DPYD: variants seen among roughly 807,000 people sequenced by gnomAD.
DPYD encodes the protein dihydropyrimidine dehydrogenase.
DPYD carries 109 observed loss-of-function variants against 116.2 expected under a neutral mutation model. That is an observed-to-expected ratio of 0.94 (90% CI 0.80 to 1.10). The LOEUF is 1.10. Among genes scored for constraint, DPYD ranks in the 50% least tolerant of loss-of-function variants. The probability of loss-of-function intolerance (pLI) is 0.00; values close to 1 mark genes in which losing one functional copy is unlikely to be tolerated. For synonymous variants in DPYD, 440 were observed against 432.0 expected (o/e 1.02, Z -0.23); for missense variants, 1,302 against 1,254.5 (o/e 1.04, Z -0.57).
chr1:97,723,167 G>A (rs1355744682), intron 4 of DPYD, among the ~76,000 whole-genome samples: 1 of 151,606 alleles, frequency 6.6e-6, no homozygotes, highest in East Asian at 1.9e-4. Context: ...TGGTTTAACA[G>A]TATTTGTCTT....
intron 16 of DPYD, among the ~76,000 whole-genome samples, chr1:97,351,188 G>A (rs74732613): frequency 0.014 from 2,069 of 152,164 alleles, 54 homozygotes; most frequent in African/African-American, 0.048. Flanking sequence ...TCCAAACCGA[G>A]AAGAGAGTAA....
intron 8 of DPYD, among the ~76,000 whole-genome samples, chr1:97,607,722 A>G (rs1655690828): frequency 6.6e-6 from 1 of 151,924 alleles, no homozygotes; most frequent in Admixed American, 6.6e-5. Context: ...CTGGAAGTCA[A>G]AAAAAGAGAG....
chr1:97,217,031 A>G (rs2101884189), intron 19 of DPYD, among the ~76,000 whole-genome samples: 2 of 152,108 alleles, frequency 1.3e-5, no homozygotes, highest in African/African-American at 4.8e-5. Flanking sequence ...AAGATGGTGA[A>G]ACTCCGTCTC....
chr1:97,652,568 A>G (rs1353561226), intron 8 of DPYD, among the ~76,000 whole-genome samples: 1 of 152,188 alleles, frequency 6.6e-6, no homozygotes, highest in Admixed American at 6.6e-5. Context: ...AGATCTGAAG[A>G]ATTCAGAGTA....
At chr1:97,484,258 A>T (rs112156028) in intron 13 of DPYD, among the ~76,000 whole-genome samples, 2,244 of 152,256 alleles carry the variant, frequency 0.015, 56 homozygotes, top group African/African-American at 0.052. Flanking sequence ...GAGCGGAGAT[A>T]GCACCACTGC....
At chr1:97,240,423 G>C (rs1000059694) in intron 18 of DPYD, among the ~76,000 whole-genome samples, 3 of 151,914 alleles carry the variant, frequency 2.0e-5, no homozygotes, top group Non-Finnish European at 4.4e-5. Flanking sequence ...GAATAATTGA[G>C]TTTAATTCTG....
At chr1:97,723,005 C>A (rs1388658214) in intron 4 of DPYD, among the ~76,000 whole-genome samples, 1 of 150,846 alleles carries the variant, frequency 6.6e-6, no homozygotes, top group Non-Finnish European at 1.5e-5. Context: ...ATAACCTTGA[C>A]GAAAATTCAG....
chr1:97,261,421 A>G (rs1021999160), intron 18 of DPYD, among the ~76,000 whole-genome samples: 1 of 151,582 alleles, frequency 6.6e-6, no homozygotes, highest in Non-Finnish European at 1.5e-5. Context: ...AAAATTAAGT[A>G]TCAAGTGACA....
intron 13 of DPYD, among the ~76,000 whole-genome samples, chr1:97,512,342 A>G (rs1447125203): frequency 2.6e-5 from 4 of 151,940 alleles, no homozygotes; most frequent in African/African-American, 9.7e-5. Context: ...TTAAAACAAA[A>G]TCTATTCATT....
At chr1:97,655,689 G>GAATAACAA (rs1334515119) in intron 8 of DPYD, among the ~76,000 whole-genome samples, 1 of 152,112 alleles carries the variant, frequency 6.6e-6, no homozygotes, top group Non-Finnish European at 1.5e-5. Flanking sequence ...AACAAGCATA[G>GAATAACAA]GAATACACAA....
At chr1:97,194,239 G>A (rs1438957098) in intron 19 of DPYD, among the ~76,000 whole-genome samples, 2 of 152,118 alleles carry the variant, frequency 1.3e-5, no homozygotes, top group Non-Finnish European at 1.5e-5. Context: ...GGGACCTGGT[G>A]GGGGTAACTG....
chr1:97,091,392 A>G (rs961066758), intron 21 of DPYD, among the ~76,000 whole-genome samples: 2 of 152,166 alleles, frequency 1.3e-5, no homozygotes, highest in African/African-American at 2.4e-5. Context: ...GTATGTCAAG[A>G]AAGAAGAAAC....
At chr1:97,585,337 C>T (rs1318485477) in intron 10 of DPYD, among the ~76,000 whole-genome samples, 1 of 152,136 alleles carries the variant, frequency 6.6e-6, no homozygotes, top group African/African-American at 2.4e-5. Context: ...ACTAAGGAAG[C>T]CTTCAAGAGA....
chr1:97,481,649 T>C (rs973510965), intron 13 of DPYD, among the ~76,000 whole-genome samples: 3 of 151,850 alleles, frequency 2.0e-5, no homozygotes, highest in Non-Finnish European at 4.4e-5. Flanking sequence ...TTTTACATTC[T>C]ATTATGAGAT....
chr1:97,539,190 C>T (rs187343074), intron 12 of DPYD, among the ~76,000 whole-genome samples: 128 of 152,168 alleles, frequency 8.4e-4, no homozygotes, highest in African/African-American at 2.8e-3. Flanking sequence ...AACTATTCAA[C>T]GGCAATTATT....
chr1:97,546,889 G>C (rs902175378), intron 12 of DPYD: 3 of 1,609,324 alleles, frequency 1.9e-6, no homozygotes, highest in Non-Finnish European at 2.5e-6. Flanking sequence ...AGAGGGGGAT[G>C]AAGACCAGGA....
chr1:97,138,699 A>G (rs1653985308), intron 20 of DPYD, among the ~76,000 whole-genome samples: 1 of 152,176 alleles, frequency 6.6e-6, no homozygotes, highest in Non-Finnish European at 1.5e-5. Flanking sequence ...TAAAAAACAT[A>G]AATATGAACT....
intron 16 of DPYD, among the ~76,000 whole-genome samples, chr1:97,307,835 C>T (rs1449736523): frequency 1.3e-5 from 2 of 151,824 alleles, no homozygotes; most frequent in African/African-American, 4.8e-5. Flanking sequence ...GCAGTTGCAT[C>T]TTTGTGACTT....
At chr1:97,585,538 A>T (rs1202806224) in intron 10 of DPYD, among the ~76,000 whole-genome samples, 1 of 152,156 alleles carries the variant, frequency 6.6e-6, no homozygotes, top group Non-Finnish European at 1.5e-5. Flanking sequence ...GTAGAATGGA[A>T]TTTTAGAATT....
Sources: gnomAD v4.1 joint callset for allele counts (sites outside exome capture counted in the v4.1 genomes callset) on GRCh38, gnomAD v4.1.1 for gene constraint, MANE v1.5 for transcripts, NCBI Gene and HGNC (gene_info 2026-07-23, HGNC 2026-07-21) for gene names.